The following IGF1 variants were observed in gnomAD, a reference collection of about 807,000 sequenced individuals.
IGF1 encodes the protein insulin like growth factor 1, also known as insulin-like growth factor 1.
A neutral mutation model predicts 13.8 loss-of-function variants in IGF1; 4 were observed. The ratio of observed to expected loss-of-function variants is 0.29; its 90% CI spans 0.14 to 0.66. IGF1 has a LOEUF of 0.66. Among genes scored for constraint, IGF1 ranks in the 30% least tolerant of loss-of-function variants. IGF1 has a pLI of 0.78. For synonymous variants in IGF1, 76 were observed against 72.6 expected, an observed-to-expected ratio of 1.05 and a Z score of -0.23; for missense variants, 124 against 188.5, an observed-to-expected ratio of 0.66 and a Z score of 2.00.
intron 2 of IGF1, among the ~76,000 whole-genome samples, chr12:102,447,087 A>C (rs952177594): frequency 6.6e-6 from 1 of 152,020 alleles, no homozygotes. Flanking sequence ...GTGGTTGGAG[A>C]GACTGTTTGT....
chr12:102,417,544 T>C (rs1312577785), intron 3 of IGF1: 1 of 1,155,912 alleles, frequency 8.7e-7, no homozygotes, highest in Non-Finnish European at 1.1e-6. Flanking sequence ...GAATAGTGTG[T>C]CTTTTTTTGC....
In IGF1 at chr12:102,419,772, A is replaced by G. The variant is rs17882149; in HGVS notation, c.221-82T>C. 96 of 1,353,540 alleles carry G rather than the reference A, an allele frequency of 7.1e-5. No homozygotes were observed. The African/African-American group carries it at 1.1e-3, about 15-fold the overall frequency. The allele number at this position is 1,353,540 out of a possible 1,614,324, so 83.8% of individuals were successfully genotyped here. A position where few individuals can be genotyped will look rare whatever the true frequency, so the allele number is the denominator to read the frequency against. ...TTCCACCCAGCTCCTGCCTCTCCCC[A>G]CAGCTAGTCAACCTACATATTCTGC... On this transcript the variant is annotated intron_variant, in intron 2 of 3. Transcript: ENST00000337514.
At chr12:102,415,169 T>C (rs992692368) in intron 3 of IGF1, among the ~76,000 whole-genome samples, 2 of 152,170 alleles carry the variant, frequency 1.3e-5, no homozygotes, top group African/African-American at 4.8e-5. Context: ...AATCATTTCA[T>C]CTCAGAAGTG....
intron 2 of IGF1, among the ~76,000 whole-genome samples, chr12:102,432,668 G>T (rs549787910): frequency 4.6e-5 from 7 of 152,120 alleles, no homozygotes; most frequent in Admixed American, 2.6e-4. Context: ...AACATGGGGC[G>T]TAACCAAGAC....
intron 3 of IGF1, among the ~76,000 whole-genome samples, chr12:102,409,757 A>G (rs1427762654): frequency 6.6e-6 from 1 of 152,226 alleles, no homozygotes; most frequent in African/African-American, 2.4e-5. Flanking sequence ...CTGTCTATAC[A>G]ATAGTGATAA....
chr12:102,409,119 A>G (rs957406305), intron 3 of IGF1, among the ~76,000 whole-genome samples: 2 of 152,154 alleles, frequency 1.3e-5, no homozygotes, highest in Admixed American at 1.3e-4. Context: ...AAGAGCACCT[A>G]CATCACAGTG....
rs540141862 is a variant in IGF1, at chr12:102,429,913, A to G, written c.221-10223T>C. ...CTGTTGCCCCAGAAGTCATTTTCCA[A>G]TTTATCACAGGACCTATCCATGGTT... On this transcript the variant is annotated intron_variant, in intron 2 of 3. Transcript: ENST00000337514. Among the ~76,000 whole-genome samples, 10 of 152,238 alleles carry G rather than the reference A, an allele frequency of 6.6e-5. No homozygotes were observed. In the South Asian group the frequency reaches 1.2e-3, roughly 19 times the overall value.
intron 2 of IGF1, among the ~76,000 whole-genome samples, chr12:102,446,480 A>G (rs1032853490): frequency 1.3e-5 from 2 of 151,920 alleles, no homozygotes; most frequent in Non-Finnish European, 2.9e-5. Context: ...CAATTTATCC[A>G]TTTCTTCTAG....
chr12:102,465,795 G>C (rs1328270330), intron 2 of IGF1, among the ~76,000 whole-genome samples: 2 of 152,038 alleles, frequency 1.3e-5, no homozygotes, highest in Admixed American at 1.3e-4. Flanking sequence ...ACATTAGCCG[G>C]GCAAGGTGGT....
chr12:102,462,766 G>T (rs1431262104), intron 2 of IGF1: 1 of 152,116 alleles, frequency 6.6e-6, no homozygotes, highest in Admixed American at 6.5e-5. Context: ...TCTTTGGAGA[G>T]CCAAAACCAT....
rs921663369 is a variant in IGF1 at position 102,401,491 on chromosome 12, T to A, written c.*1016A>T. On this transcript the variant is annotated 3_prime_UTR_variant, in exon 4 of 4. Coordinates refer to ENST00000337514, the MANE Select transcript of IGF1 (RefSeq NM_000618.5). The stretch of plus-strand genomic sequence containing the variant: ...GCCTTCTTTCCCAAATGGATGGTGT[T>A]TTCAGTACCCTTCCCCTTGTGTCAT... 2.0e-5 allele frequency: 3 copies of A among 152,650 alleles called. No individual in the cohort carries two copies. The highest frequency in any genetic ancestry group is 4.4e-5 in the Non-Finnish European group (3 of 68,044). The allele number at this position is 152,650 out of a possible 1,614,324, so 9.5% of individuals were successfully genotyped here. A position where few individuals can be genotyped will look rare whatever the true frequency, so the allele number is the denominator to read the frequency against.
At chr12:102,468,749 A>G (rs1363066961) in intron 2 of IGF1, among the ~76,000 whole-genome samples, 1 of 152,228 alleles carries the variant, frequency 6.6e-6, no homozygotes, top group Non-Finnish European at 1.5e-5. Flanking sequence ...CGGCAGCTCA[A>G]TGCGAAAACG....
Position 102,402,531 on chromosome 12 carries a change from T to C in IGF1, c.438A>G (p.Ala146=), listed in dbSNP as rs777643169. ...VHLKNASRGS[A]GNKNYRM is the part of the protein sequence containing the mutation. ...CCTACATCCTGTAGTTCTTGTTTCC[T>C]GCACTCCCTCTACTTGCGTTCTTCA... The change falls in exon 4 of 4, where the codon GCA becomes GCG. Residue 146 remains alanine, a synonymous_variant. Coordinates refer to ENST00000337514, the MANE Select transcript of IGF1 (RefSeq NM_000618.5). 1.8e-5 allele frequency: 14 copies of C among 780,920 alleles called. No individual in the cohort carries two copies. The South Asian group carries it at 1.9e-4, about 10-fold the overall frequency. The allele number at this position is 780,920 out of a possible 1,614,324, so 48.4% of individuals were successfully genotyped here.
At chr12:102,416,560 A>G (rs551744403) in intron 3 of IGF1, among the ~76,000 whole-genome samples, 101 of 152,178 alleles carry the variant, frequency 6.6e-4, no homozygotes, top group Non-Finnish European at 1.1e-3. Flanking sequence ...ACCCAAGCAC[A>G]TCTTTACCCA....
intron 3 of IGF1, among the ~76,000 whole-genome samples, chr12:102,405,332 C>T (rs1215093312): frequency 6.6e-6 from 1 of 151,754 alleles, no homozygotes; most frequent in Non-Finnish European, 1.5e-5. Context: ...AGGTGATCTG[C>T]CTGCCTCAGC....
chr12:102,445,975 C>A (rs1185399518), intron 2 of IGF1, among the ~76,000 whole-genome samples: 2 of 152,162 alleles, frequency 1.3e-5, no homozygotes, highest in Non-Finnish European at 2.9e-5. Context: ...GCCTTTTCTG[C>A]ATCTCTTGAG....
At chr12:102,473,565 A>G (rs937040385) in intron 2 of IGF1, among the ~76,000 whole-genome samples, 1 of 152,230 alleles carries the variant, frequency 6.6e-6, no homozygotes, top group African/African-American at 2.4e-5. Flanking sequence ...CTATAAGGCA[A>G]AACTCATGAC....
chr12:102,435,534 A>G (rs989370990), intron 2 of IGF1, among the ~76,000 whole-genome samples: 1 of 152,228 alleles, frequency 6.6e-6, no homozygotes, highest in Non-Finnish European at 1.5e-5. Flanking sequence ...CCTTTTGTGC[A>G]TCAGCCATTT....
intron 2 of IGF1, among the ~76,000 whole-genome samples, chr12:102,455,471 G>A (rs914795262): frequency 6.6e-6 from 1 of 152,168 alleles, no homozygotes; most frequent in Non-Finnish European, 1.5e-5. Context: ...AGAAATCTCA[G>A]GTCAGGCAGT....
Sources: gnomAD v4.1 joint callset for allele counts (sites outside exome capture counted in the v4.1 genomes callset) on GRCh38, gnomAD v4.1.1 for gene constraint, MANE v1.5 for transcripts, NCBI Gene and HGNC (gene_info 2026-07-23, HGNC 2026-07-21) for gene names.